PREX1: variants seen among roughly 807,000 people sequenced by gnomAD.
The protein encoded by PREX1 is phosphatidylinositol-3,4,5-trisphosphate dependent Rac exchange factor 1.
PREX1 carries 41 observed loss-of-function variants against 198.3 expected under a neutral mutation model. The observed-to-expected ratio is 0.21, with a 90% CI of 0.16 to 0.27. The LOEUF is 0.27. Among genes scored for constraint, PREX1 ranks in the 10% least tolerant of loss-of-function variants. The pLI is 1.00. For synonymous variants in PREX1, 843 were observed against 887.2 expected (o/e 0.95, Z 0.89); for missense variants, 1,620 against 2,200.7 (o/e 0.74, Z 5.28).
chr20:48,691,221 G>A lies in PREX1; in HGVS notation c.1037-125C>T, dbSNP rs925627587. 1 of 1,220,004 alleles carries A rather than the reference G, an allele frequency of 8.2e-7. No individual in the cohort carries two copies. Among genetic ancestry groups the A allele is most frequent in the African/African-American group, 1.5e-5 (1 of 66,796 alleles). The allele number at this position is 1,220,004 out of a possible 1,614,324, so 75.6% of individuals were successfully genotyped here. Reference sequence around the variant, plus strand: ...TCGCCTGGATCAGGATGGGGAGCTGGACTTCCAGCCCTTCAAACGCTCACT... The same window carrying A: ...TCGCCTGGATCAGGATGGGGAGCTGAACTTCCAGCCCTTCAAACGCTCACT... On this transcript the variant is annotated intron_variant, in intron 8 of 39. Coordinates refer to ENST00000371941, the MANE Select transcript of PREX1 (RefSeq NM_020820.4). This position sits in a 1 kb window ranked among gnomAD's most constrained non-coding sequence, Gnocchi z 5.0.
chr20:48,664,232 G>A (rs1009378005), intron 15 of PREX1, among the ~76,000 whole-genome samples: 27 of 152,272 alleles, frequency 1.8e-4, no homozygotes, highest in African/African-American at 5.1e-4. Context: ...AAAATTAGCC[G>A]GGTGTGGTGG....
intron 14 of PREX1, among the ~76,000 whole-genome samples, chr20:48,672,159 G>C (rs1020774846): frequency 6.6e-6 from 1 of 152,176 alleles, no homozygotes; most frequent in Non-Finnish European, 1.5e-5. Context: ...CTAAATGCTG[G>C]AGTGTTCCAG....
the PREX1 span, among the ~76,000 whole-genome samples, chr20:48,835,537 A>G: frequency 6.6e-6 from 1 of 152,202 alleles, no homozygotes; most frequent in Non-Finnish European, 1.5e-5. Flanking sequence ...AGAAGGTGAC[A>G]TTTAAGCAAA....
intron 3 of PREX1, among the ~76,000 whole-genome samples, chr20:48,742,261 A>G (rs1463649010): frequency 1.3e-5 from 2 of 152,180 alleles, no homozygotes; most frequent in Non-Finnish European, 2.9e-5. Flanking sequence ...GGGAGGTGCC[A>G]GAAAGCGCTG....
the PREX1 span, among the ~76,000 whole-genome samples, chr20:48,884,776 T>A: frequency 6.6e-6 from 1 of 152,220 alleles, no homozygotes; most frequent in Non-Finnish European, 1.5e-5. Context: ...GATAAAGGGC[T>A]TATATCCAGA....
At chr20:48,720,721 G>A (rs993420164) in intron 5 of PREX1, among the ~76,000 whole-genome samples, 4 of 151,956 alleles carry the variant, frequency 2.6e-5, no homozygotes, top group Non-Finnish European at 5.9e-5. Flanking sequence ...CCCCTTCACC[G>A]AGAATTGAGG....
the PREX1 span, among the ~76,000 whole-genome samples, chr20:48,884,824 T>G: frequency 6.6e-6 from 1 of 152,096 alleles, no homozygotes; most frequent in Admixed American, 6.5e-5. Context: ...AAAAGACAAA[T>G]AAACCGGCAG....
intron 3 of PREX1, among the ~76,000 whole-genome samples, chr20:48,740,379 T>C (rs2122747457): frequency 6.6e-6 from 1 of 152,306 alleles, no homozygotes; most frequent in East Asian, 1.9e-4. Flanking sequence ...TAGAGCTGCC[T>C]TCAGCCTAAG....
At chr20:48,873,584 G>A in the PREX1 span, among the ~76,000 whole-genome samples, 2 of 149,908 alleles carry the variant, frequency 1.3e-5, no homozygotes, top group African/African-American at 4.9e-5. Context: ...AGCCGGTATG[G>A]TGGCGGGCGC....
chr20:48,841,705 G>C, the PREX1 span, among the ~76,000 whole-genome samples: 1 of 152,176 alleles, frequency 6.6e-6, no homozygotes, highest in African/African-American at 2.4e-5. Flanking sequence ...ACCGCAGCCG[G>C]CTGTAGACAA....
intron 5 of PREX1, 92 bp downstream of exon 5, chr20:48,726,198 C>A: frequency 1.9e-6 from 2 of 1,073,638 alleles, no homozygotes; most frequent in African/African-American, 1.6e-5. Flanking sequence ...GCTGACACTG[C>A]TGCTAGACTT....
At position 48,691,018 on chromosome 20, in the gene PREX1, C is replaced by A. The variant is rs2089816382; in HGVS notation, c.1115G>T (p.Cys372Phe). The A allele has an allele frequency of 1.2e-6, 2 of 1,614,156 alleles. No individual in the cohort carries two copies. Among genetic ancestry groups the A allele is most frequent in the Non-Finnish European group, 1.7e-6 (2 of 1,180,064 alleles). Residue 372 changes from cysteine to phenylalanine, a missense_variant, in exon 9 of 40, where the codon TGC becomes TTC. Cys to Phe is a radical substitution (Grantham distance 205). Transcript: ENST00000371941. The surrounding 1 kb of genome is among the most constrained non-coding windows in gnomAD (Gnocchi z 5.0). ...HNTAKNKWFV[C>F]MAKTAEEKQK... ...CTTCTCCTCTGCCGTCTTGGCCATGCAGACAAACCACTTATTCTTGGCCGT... is the reference window on the plus strand; with the variant it reads ...CTTCTCCTCTGCCGTCTTGGCCATGAAGACAAACCACTTATTCTTGGCCGT...
At chr20:48,665,011 GA>G (rs1267690251) in intron 15 of PREX1, among the ~76,000 whole-genome samples, 2 of 118,764 alleles carry the variant, frequency 1.7e-5, no homozygotes, top group Admixed American at 2.0e-4. Flanking sequence ...TTCTAATCCC[GA>G]CTCCAGACGG....
chr20:48,655,494 A>G lies in PREX1; in HGVS notation c.2124-119T>C, dbSNP rs938769103. 1.1e-5 allele frequency: 9 copies of G among 815,774 alleles called. No homozygotes were observed. In the Admixed American group the frequency reaches 1.5e-4, roughly 13 times the overall value. 50.5% of individuals were successfully genotyped at this position (815,774 alleles called of 1,614,324 possible). A position where few individuals can be genotyped will look rare whatever the true frequency, so the allele number is the denominator to read the frequency against. On this transcript the variant is annotated intron_variant, in intron 18 of 39. Transcript: ENST00000371941. ...GGAAACACTGGGAAAATTCAGCCCA[A>G]AATAGTAGTAGCACCACCAGGCTTT...
In PREX1 at chr20:48,821,492, A is replaced by G. The variant is rs573695627; in HGVS notation, c.219+6150T>C. On this transcript the variant is annotated intron_variant, in intron 1 of 39. Transcript: ENST00000371941. ...TCTGGGGAATGATGCTGTGGGACACAGCACACAGGTTTGAGGGGCAGCCCA... is the reference window on the plus strand; with the variant it reads ...TCTGGGGAATGATGCTGTGGGACACGGCACACAGGTTTGAGGGGCAGCCCA... Among the ~76,000 whole-genome samples, 10 of 152,314 alleles carry G rather than the reference A, an allele frequency of 6.6e-5. 1 individual carries two copies. In the South Asian group the frequency reaches 2.1e-3, roughly 32 times the overall value.
At chr20:48,883,569 T>C in the PREX1 span, among the ~76,000 whole-genome samples, 1 of 152,056 alleles carries the variant, frequency 6.6e-6, no homozygotes, top group South Asian at 2.1e-4. Context: ...AAGATCAACA[T>C]ACAAAAATTT....
At chr20:48,845,066 T>A in the PREX1 span, among the ~76,000 whole-genome samples, 2 of 152,236 alleles carry the variant, frequency 1.3e-5, no homozygotes, top group Non-Finnish European at 2.9e-5. Context: ...GTGATTTCTC[T>A]CATGAGTGAT....
In PREX1 at chr20:48,625,966, C is replaced by T. The variant is rs185595400; in HGVS notation, c.4938-39G>A. On this transcript the variant is annotated intron_variant, in intron 39 of 39. Transcript: ENST00000371941. Reference sequence around the variant, plus strand: ...CAAAGAGAATGAGGAGAGGCCGGGGCGGGCCAGGACCTATTTGTATTATTT... The same window carrying T: ...CAAAGAGAATGAGGAGAGGCCGGGGTGGGCCAGGACCTATTTGTATTATTT... The T allele has an allele frequency of 3.6e-5, 54 of 1,496,450 alleles. No homozygotes were observed. The Admixed American group carries it at 7.0e-4, about 19-fold the overall frequency. The allele number at this position is 1,496,450 out of a possible 1,614,324, so 92.7% of individuals were successfully genotyped here.
At chr20:48,699,161 G>A (rs991141772) in intron 7 of PREX1, among the ~76,000 whole-genome samples, 6 of 152,196 alleles carry the variant, frequency 3.9e-5, no homozygotes, top group Non-Finnish European at 7.3e-5. Context: ...GGCCAGCACA[G>A]ACAGACAAGG....
Sources: gnomAD v4.1 joint callset for allele counts (sites outside exome capture counted in the v4.1 genomes callset) on GRCh38, gnomAD v4.1.1 for gene constraint, Gnocchi (gnomAD v3.1) non-coding constraint, MANE v1.5 for transcripts, NCBI Gene and HGNC (gene_info 2026-07-23, HGNC 2026-07-21) for gene names.